Variants in SMG7 observed in about 807,000 individuals in gnomAD.
The protein encoded by SMG7 is SMG7 nonsense mediated mRNA decay factor, also known as nonsense-mediated mRNA decay factor SMG7.
SMG7 carries 34 observed loss-of-function variants against 148.2 expected under a neutral mutation model. That is an observed-to-expected ratio of 0.23 (90% confidence interval 0.17 to 0.31). The LOEUF (loss-of-function observed/expected upper bound fraction) is 0.31, where lower values mean the gene tolerates loss of function less well. Among genes scored for constraint, SMG7 ranks in the 10% least tolerant of loss-of-function variants. The probability of loss-of-function intolerance (pLI) is 1.00; values close to 1 mark genes in which losing one functional copy is unlikely to be tolerated. For missense variants in SMG7, 1,114 were observed against 1,408.4 expected, an observed-to-expected ratio of 0.79 and a Z score of 3.35; for synonymous variants, 492 against 515.1, an observed-to-expected ratio of 0.96 and a Z score of 0.61.
At chr1:183,519,950 A>G (rs1664400870) in intron 4 of SMG7, among the ~76,000 whole-genome samples, 1 of 152,070 alleles carries the variant, frequency 6.6e-6, no homozygotes, top group East Asian at 1.9e-4. Context: ...TTCATCATTT[A>G]TAACATTTTT....
chr1:183,511,066 GCAGGAGGATCTCTTGAGCC>G (rs1662012431), intron 1 of SMG7, among the ~76,000 whole-genome samples: 1 of 151,958 alleles, frequency 6.6e-6, no homozygotes, highest in Non-Finnish European at 1.5e-5. Flanking sequence ...GCAGGCTGAG[GCAGGAGGATCTCTTGAGCC>G]CAGGAGTTGA....
At position 183,546,222 on chromosome 1, in the gene SMG7, G is replaced by A. The variant is rs772407518; in HGVS notation, c.2627G>A (p.Ser876Asn). The A allele has an allele frequency of 6.2e-7, 1 of 1,614,030 alleles. No homozygotes were observed. The highest frequency in any genetic ancestry group is 1.1e-5 in the South Asian group (1 of 91,082). ...VPEFYWDSSY[S>N]MADNRSVMAQ... ...GAATTCTACTGGGATTCTTCCTACA[G>A]CATGGCTGATAACAGATCTGTAATG... Residue 876 changes from serine (S) to asparagine (N), a missense_variant, in exon 17 of 23, where the codon AGC becomes AAC. By Grantham distance (46) the Ser-to-Asn change is conservative. Coordinates refer to ENST00000688051, the MANE Select transcript of SMG7 (RefSeq NM_001375584.1).
intron 1 of SMG7, among the ~76,000 whole-genome samples, chr1:183,496,017 T>C (rs915976505): frequency 3.3e-5 from 5 of 152,236 alleles, no homozygotes; most frequent in Non-Finnish European, 7.3e-5. Context: ...ATTCTGATAC[T>C]GTGCCTGGAT....
intron 1 of SMG7, among the ~76,000 whole-genome samples, chr1:183,475,077 T>G (rs1651809210): frequency 6.6e-6 from 1 of 152,238 alleles, no homozygotes; most frequent in Non-Finnish European, 1.5e-5. Context: ...GAGGCTCATA[T>G]AGCTGGTATG....
intron 1 of SMG7, chr1:183,502,197 T>G: frequency 8.7e-7 from 1 of 1,147,130 alleles, no homozygotes; most frequent in Non-Finnish European, 1.1e-6. Flanking sequence ...ATTTTCTTCA[T>G]AGGGGTTCTC....
intron 1 of SMG7, among the ~76,000 whole-genome samples, chr1:183,506,969 C>T (rs1265333935): frequency 6.6e-6 from 1 of 151,538 alleles, no homozygotes; most frequent in East Asian, 1.9e-4. Flanking sequence ...ACCTACGCCC[C>T]CCAGGTTCAA....
Position 183,550,862 on chromosome 1 carries a change from T to C in SMG7, c.3245T>C (p.Ile1082Thr), listed in dbSNP as rs765135844. 17 of 1,614,000 alleles carry C rather than the reference T, an allele frequency of 1.1e-5. No homozygotes were observed. The highest frequency in any genetic ancestry group is 2.2e-5 in the East Asian group (1 of 44,894). ...NSVPFSNFGP[I>T]GTPDNRDRRT... ...GTTCCATTCTCCAATTTTGGACCCA[T>C]TGGGACTCCAGATAACAGGGATAGA... Residue 1082 changes from isoleucine (I) to threonine (T), a missense_variant, in exon 21 of 23, where the codon ATT (isoleucine) becomes ACT (threonine). Transcript: ENST00000688051.
chr1:183,543,880 A>G (rs1250362132), intron 14 of SMG7, among the ~76,000 whole-genome samples: 2 of 152,200 alleles, frequency 1.3e-5, no homozygotes, highest in African/African-American at 2.4e-5. Flanking sequence ...TGGATGCCTG[A>G]CTGCACATAT....
At chr1:183,539,521 A>C (rs780573411) in intron 12 of SMG7, among the ~76,000 whole-genome samples, 23 of 152,084 alleles carry the variant, frequency 1.5e-4, no homozygotes, top group Non-Finnish European at 3.2e-4. Context: ...TATGTCCCAA[A>C]TTTTCAGCTT....
chr1:183,553,243 A>G lies in SMG7; in HGVS notation c.*1312A>G. On this transcript the variant is annotated 3_prime_UTR_variant, in exon 23 of 23. Transcript: ENST00000688051. ...TTATTAGGAGGAAAGAGGACTGAAA[A>G]TGTTCTTGTGTAGAAACAGAAGGAC... 1 of 1,497,140 alleles carries G rather than the reference A, an allele frequency of 6.7e-7. No homozygotes were observed. The highest frequency in any genetic ancestry group is 2.5e-5 in the East Asian group (1 of 40,288). 92.7% of individuals were successfully genotyped at this position (1,497,140 alleles called of 1,614,324 possible).
At chr1:183,480,818 A>G (rs1326078148) in intron 1 of SMG7, among the ~76,000 whole-genome samples, 7 of 152,092 alleles carry the variant, frequency 4.6e-5, no homozygotes, top group African/African-American at 1.2e-4. Context: ...CCTTACCTGC[A>G]TTTCTTCCTG....
chr1:183,534,120 T>A (rs1195244887), intron 10 of SMG7, among the ~76,000 whole-genome samples: 1 of 152,230 alleles, frequency 6.6e-6, no homozygotes, highest in Non-Finnish European at 1.5e-5. Flanking sequence ...GAACTTGAAG[T>A]AAAACCAGTT....
At chr1:183,515,839 C>CT (rs777433497) in intron 2 of SMG7, 35 bp from the exon 3 acceptor site, 3 of 1,362,856 alleles carry the variant, frequency 2.2e-6, no homozygotes, top group Non-Finnish European at 3.1e-6. Context: ...TGGGGTTTAT[C>CT]TATCTACCGT....
At chr1:183,495,850 G>A (rs1031661505) in intron 1 of SMG7, among the ~76,000 whole-genome samples, 2 of 151,222 alleles carry the variant, frequency 1.3e-5, no homozygotes, top group South Asian at 2.1e-4. Flanking sequence ...CCTAGGTGAC[G>A]AGCAAGACCT....
chr1:183,551,280 C>T lies in SMG7; in HGVS notation c.3450+90C>T, dbSNP rs1414452749. The T allele has an allele frequency of 2.2e-6, 3 of 1,335,774 alleles. No individual in the cohort carries two copies. The East Asian group carries it at 7.1e-5, about 32-fold the overall frequency. The allele number at this position is 1,335,774 out of a possible 1,614,324, so 82.7% of individuals were successfully genotyped here. A position where few individuals can be genotyped will look rare whatever the true frequency, so the allele number is the denominator to read the frequency against. On this transcript the variant is annotated intron_variant, in intron 22 of 22. Coordinates refer to ENST00000688051, the MANE Select transcript of SMG7 (RefSeq NM_001375584.1). ...ACATAAATAGCTAGACTTCTCAGGC[C>T]CTCGGAGTTGACTGATACATAGCAC...
At chr1:183,480,461 G>T (rs1376255158) in intron 1 of SMG7, among the ~76,000 whole-genome samples, 1 of 151,918 alleles carries the variant, frequency 6.6e-6, no homozygotes, top group Non-Finnish European at 1.5e-5. Context: ...AGACCTCACG[G>T]TGGCCAAATT....
intron 15 of SMG7, 60 bp from the exon 16 acceptor site, chr1:183,544,870 C>A: frequency 6.5e-7 from 1 of 1,548,118 alleles, no homozygotes; most frequent in Non-Finnish European, 8.7e-7. Context: ...AAAAAAATGA[C>A]TTTTTTTGCA....
intron 8 of SMG7, 27 bp from the exon 9 acceptor site, chr1:183,533,137 A>G: frequency 6.2e-7 from 1 of 1,603,100 alleles, no homozygotes; most frequent in Non-Finnish European, 8.5e-7. Flanking sequence ...TTGATAATAT[A>G]TGCAGTACGT....
At chr1:183,473,596 A>G (rs1232499212) in intron 1 of SMG7, 1 of 237,618 alleles carries the variant, frequency 4.2e-6, no homozygotes, top group African/African-American at 2.3e-5. Context: ...GCTTGGAGGC[A>G]GAGGTAAAGT....
Sources: gnomAD v4.1 joint callset for allele counts (sites outside exome capture counted in the v4.1 genomes callset) on GRCh38, gnomAD v4.1.1 for gene constraint, MANE v1.5 for transcripts, NCBI Gene and HGNC (gene_info 2026-07-23, HGNC 2026-07-21) for gene names.